Variants in ACTN1 observed in about 807,000 individuals in gnomAD.
ACTN1 encodes actinin alpha 1.
In ACTN1, 30 loss-of-function variants were observed where a neutral mutation model predicts 119.6. The observed-to-expected ratio is 0.25, with a 90% CI of 0.19 to 0.34. ACTN1 has a LOEUF of 0.34. ACTN1 is among the 10% of genes least tolerant of loss of function. ACTN1 has a pLI of 1.00. For synonymous variants in ACTN1, 429 were observed against 472.6 expected (o/e 0.91, Z 1.20); for missense variants, 764 against 1,223.4 (o/e 0.62, Z 5.60).
rs36108835 is a variant in ACTN1 at position 68,925,318 on chromosome 14, C to CTTTTTTTTTT, written c.220+230_220+239dup. Among the ~76,000 whole-genome samples, 47 of 121,208 alleles carry CTTTTTTTTTT rather than the reference C, an allele frequency of 3.9e-4. 1 individual carries two copies. The Admixed American group carries it at 4.0e-3, about 10-fold the overall frequency. The allele number at this position is 121,208 out of a possible 152,430, so 79.5% of individuals were successfully genotyped here. A position where few individuals can be genotyped will look rare whatever the true frequency, so the allele number is the denominator to read the frequency against. On this transcript the variant is annotated intron_variant, in intron 2 of 21. Coordinates refer to ENST00000394419, the MANE Select transcript of ACTN1 (RefSeq NM_001130004.2). This position sits in a 1 kb window ranked among gnomAD's most constrained non-coding sequence, Gnocchi z 4.3. ...GAAGGAACCTCAGTTCCTTCAAACC[C>CTTTTTTTTTT]TTTTTTTTTTTTTTTTTTTTTTTAA...
chr14:68,895,757 G>A (rs1566610314), intron 8 of ACTN1, among the ~76,000 whole-genome samples: 1 of 152,184 alleles, frequency 6.6e-6, no homozygotes, highest in Non-Finnish European at 1.5e-5. Context: ...AAAATCTGAT[G>A]TGTGCCAATT....
In ACTN1 at chr14:68,979,109, C is replaced by T. The variant is rs1251047577; in HGVS notation, c.-53G>A. ...TTTCTTCCTCCACCTTCTCTCTGAG[C>T]AACGGCTGCTGCCCTGGCGTGGGGA... On this transcript the variant is annotated 5_prime_UTR_variant, in exon 1 of 22. Transcript: ENST00000394419. 9.2e-7 allele frequency: 1 copy of T among 1,092,780 alleles called. No homozygotes were observed. Among genetic ancestry groups the T allele is most frequent in the Non-Finnish European group, 1.3e-6 (1 of 769,332 alleles). 67.7% of individuals were successfully genotyped at this position (1,092,780 alleles called of 1,614,324 possible).
chr14:68,921,327 C>T (rs769038967), intron 2 of ACTN1: 2 of 531,168 alleles, frequency 3.8e-6, no homozygotes, highest in Non-Finnish European at 6.2e-6. Flanking sequence ...TCTACCCTGC[C>T]TCTTCTTTCT....
chr14:68,946,262 C>A (rs2035940796), intron 1 of ACTN1, among the ~76,000 whole-genome samples: 2 of 152,118 alleles, frequency 1.3e-5, no homozygotes, highest in South Asian at 2.1e-4. Context: ...TCCTTAAGGG[C>A]CTCTTAAGGG....
At chr14:68,948,817 C>G (rs1354649658) in intron 1 of ACTN1, among the ~76,000 whole-genome samples, 1 of 152,198 alleles carries the variant, frequency 6.6e-6, no homozygotes, top group African/African-American at 2.4e-5. Flanking sequence ...CAGCTCTGCT[C>G]TCAGAGAGCT....
In ACTN1 at chr14:68,885,848, G is replaced by C. The variant is rs1566598207; in HGVS notation, c.1235-273C>G. On this transcript the variant is annotated intron_variant, in intron 11 of 21. Coordinates refer to ENST00000394419, the MANE Select transcript of ACTN1 (RefSeq NM_001130004.2). The surrounding 1 kb of genome is among the most constrained non-coding windows in gnomAD (Gnocchi z 5.6). ...ATGCAGGAGTCTGTGGGAATGCATAGGGCATGACGCTATACACACAGCGGG... is the reference window on the plus strand; with the variant it reads ...ATGCAGGAGTCTGTGGGAATGCATACGGCATGACGCTATACACACAGCGGG... 4 of 436,750 alleles carry C rather than the reference G, an allele frequency of 9.2e-6. 1 individual carries two copies. The highest frequency in any genetic ancestry group is 6.3e-4 in the Middle Eastern group (1 of 1,586). The allele number at this position is 436,750 out of a possible 1,614,324, so 27.1% of individuals were successfully genotyped here.
chr14:68,921,361 C>T (rs1032210301), intron 2 of ACTN1: 4 of 428,156 alleles, frequency 9.3e-6, no homozygotes, highest in African/African-American at 6.1e-5. Flanking sequence ...TCGAAATCTG[C>T]TTGCATCCAC....
intron 1 of ACTN1, among the ~76,000 whole-genome samples, chr14:68,952,122 G>A (rs180938103): frequency 1.7e-4 from 26 of 152,334 alleles, no homozygotes; most frequent in African/African-American, 5.3e-4. Flanking sequence ...CCAGCTTTCC[G>A]GGCCTCAGTT....
At chr14:68,916,806 G>A (rs1176853784) in intron 3 of ACTN1, among the ~76,000 whole-genome samples, 1 of 152,180 alleles carries the variant, frequency 6.6e-6, no homozygotes, top group Non-Finnish European at 1.5e-5. Flanking sequence ...CTATGAAGCT[G>A]CTCACATCCC....
chr14:68,962,410 C>A lies in ACTN1; in HGVS notation c.105+16542G>T, dbSNP rs545420963. 1.5e-4 allele frequency among the ~76,000 whole-genome samples: 23 copies of A among 152,296 alleles called. No homozygotes were observed. The South Asian group carries it at 4.8e-3, about 32-fold the overall frequency. ...CATGGCAACGGGCCAGCACCTCCTC[C>A]ACAGCCGCCTTCCCAGGAGCACCAT... On this transcript the variant is annotated intron_variant, in intron 1 of 21. Transcript: ENST00000394419.
chr14:68,929,096 G>A (rs376538742), intron 1 of ACTN1, among the ~76,000 whole-genome samples: 7 of 151,296 alleles, frequency 4.6e-5, no homozygotes, highest in Non-Finnish European at 8.8e-5. Flanking sequence ...ACTGTGGTGC[G>A]TTCGTGGGAG....
intron 9 of ACTN1, 123 bp from the exon 10 acceptor site, chr14:68,892,406 T>G: frequency 1.0e-6 from 1 of 974,244 alleles, no homozygotes; most frequent in Admixed American, 2.7e-5. Flanking sequence ...AATAGCACAC[T>G]CCTTCCCAAC....
chr14:68,928,426 G>A (rs1025220182), intron 1 of ACTN1, among the ~76,000 whole-genome samples: 2 of 152,058 alleles, frequency 1.3e-5, no homozygotes, highest in African/African-American at 2.4e-5. Flanking sequence ...AAACTGGAAA[G>A]TTTCCCCAAC....
chr14:68,877,570 C>T (rs931578065), intron 20 of ACTN1: 1 of 269,122 alleles, frequency 3.7e-6, no homozygotes, highest in African/African-American at 2.2e-5. Context: ...TATTTCAATT[C>T]ATTTAATCCT....
At chr14:68,902,790 C>T (rs1470252811) in intron 7 of ACTN1, among the ~76,000 whole-genome samples, 2 of 152,138 alleles carry the variant, frequency 1.3e-5, no homozygotes, top group African/African-American at 2.4e-5. Context: ...GAACTTGCTA[C>T]AGGACAGCGG....
intron 2 of ACTN1, among the ~76,000 whole-genome samples, chr14:68,923,518 G>A (rs1326691988): frequency 6.6e-6 from 1 of 152,078 alleles, no homozygotes; most frequent in Non-Finnish European, 1.5e-5. Flanking sequence ...CATTCTAAAA[G>A]GCAGTTAGAG....
intron 1 of ACTN1, chr14:68,936,574 T>C: frequency 6.0e-6 from 3 of 503,772 alleles, no homozygotes; most frequent in East Asian, 8.9e-5. Context: ...GTTACGGGAA[T>C]TGAAGCTGCC....
chr14:68,885,021 C>T lies in ACTN1; in HGVS notation c.1386-138G>A. 2 of 672,932 alleles carry T rather than the reference C, an allele frequency of 3.0e-6. No individual in the cohort carries two copies. Among genetic ancestry groups the T allele is most frequent in the South Asian group, 3.6e-5 (2 of 55,240 alleles). 41.7% of individuals were successfully genotyped at this position (672,932 alleles called of 1,614,324 possible). ...CGCTCCCTTCAAGAGACCTTCCAGG[C>T]ACTCCTTCCACCCCTCCCCTCTTTC... On this transcript the variant is annotated intron_variant, in intron 12 of 21. Transcript: ENST00000394419. This position sits in a 1 kb window ranked among gnomAD's most constrained non-coding sequence, Gnocchi z 5.6.
chr14:68,968,421 G>A (rs2036772495), intron 1 of ACTN1, among the ~76,000 whole-genome samples: 2 of 152,264 alleles, frequency 1.3e-5, no homozygotes, highest in Non-Finnish European at 2.9e-5. Flanking sequence ...CCAGGGCAAA[G>A]GAGATGTGGG....
Sources: allele counts gnomAD v4.1 joint callset (sites outside exome capture counted in the v4.1 genomes callset), GRCh38; gene constraint gnomAD v4.1.1; non-coding constraint Gnocchi (gnomAD v3.1); transcripts MANE v1.5; gene names NCBI Gene and HGNC (gene_info 2026-07-23, HGNC 2026-07-21).